CSMD1: variants seen among roughly 807,000 people sequenced by gnomAD.
CSMD1 encodes the protein CUB and Sushi multiple domains 1.
In CSMD1, 213 loss-of-function variants were observed where a neutral mutation model predicts 417.5. That is an observed-to-expected ratio of 0.51 (90% CI 0.46 to 0.57). CSMD1 has a LOEUF of 0.57. Ranked by LOEUF, CSMD1 falls within the 20% of genes least tolerant of loss-of-function variation. The pLI is 0.00. For synonymous variants in CSMD1, 2,862 were observed against 1,736.8 expected (o/e 1.65, Z -16.11); for missense variants, 6,923 against 4,529.7 (o/e 1.53, Z -15.17).
intron 3 of CSMD1, among the ~76,000 whole-genome samples, chr8:4,044,082 G>A (rs949217478): frequency 1.3e-5 from 2 of 151,984 alleles, no homozygotes; most frequent in African/African-American, 4.8e-5. Flanking sequence ...CTTGCCCATT[G>A]CTTGTCTCTG....
chr8:4,675,913 G>T (rs1294960582), intron 1 of CSMD1, among the ~76,000 whole-genome samples: 2 of 152,256 alleles, frequency 1.3e-5, no homozygotes, highest in East Asian at 3.9e-4. Flanking sequence ...TAGAAAAAGA[G>T]AAAAATAAAC....
chr8:3,591,600 G>A (rs73660321), intron 8 of CSMD1, among the ~76,000 whole-genome samples: 1 of 152,188 alleles, frequency 6.6e-6, no homozygotes, highest in Non-Finnish European at 1.5e-5. Flanking sequence ...CTACTGACTG[G>A]CTAGGTAAGG....
intron 1 of CSMD1, among the ~76,000 whole-genome samples, chr8:4,852,247 C>T (rs1017420858): frequency 1.2e-4 from 18 of 152,146 alleles, no homozygotes; most frequent in African/African-American, 4.3e-4. Context: ...GAAATGTAAT[C>T]CCTAGTTTTG....
intron 49 of CSMD1, among the ~76,000 whole-genome samples, chr8:3,055,693 A>G (rs1285047787): frequency 6.6e-6 from 1 of 152,212 alleles, no homozygotes; most frequent in Non-Finnish European, 1.5e-5. Context: ...AAAATTCCTC[A>G]GTTGTTTTTT....
chr8:3,798,188 T>C (rs1212401609), intron 5 of CSMD1, among the ~76,000 whole-genome samples: 1 of 152,036 alleles, frequency 6.6e-6, no homozygotes, highest in African/African-American at 2.4e-5. Context: ...ATTTTTAACA[T>C]TTTCCGCTAC....
chr8:3,784,201 G>C (rs1325439122), intron 5 of CSMD1, among the ~76,000 whole-genome samples: 1 of 152,082 alleles, frequency 6.6e-6, no homozygotes, highest in Non-Finnish European at 1.5e-5. Flanking sequence ...AAAGGGGTGG[G>C]TACCCAATAA....
chr8:3,021,963 T>G (rs116385283), intron 51 of CSMD1, among the ~76,000 whole-genome samples: 2,737 of 113,146 alleles, frequency 0.024, 84 homozygotes, highest in African/African-American at 0.086. Context: ...CCACAGCATC[T>G]GGAATGCACC....
chr8:3,863,777 GT>G (rs781308549), intron 5 of CSMD1, among the ~76,000 whole-genome samples: 4 of 151,804 alleles, frequency 2.6e-5, no homozygotes, highest in Non-Finnish European at 4.4e-5. Context: ...TTTTCTACTA[GT>G]TTTTCTGCTT....
In CSMD1 at chr8:3,021,172, G is replaced by A. The variant is rs571087139; in HGVS notation, c.7856-2522C>T. On this transcript the variant is annotated intron_variant, in intron 51 of 69. Coordinates refer to ENST00000635120, the MANE Select transcript of CSMD1 (RefSeq NM_033225.6). ...GAAGCAAGACCACCTCCCTCTGCTCGTATGGCTGTTTCTATTGTTGAAGCC... is the reference window on the plus strand; with the variant it reads ...GAAGCAAGACCACCTCCCTCTGCTCATATGGCTGTTTCTATTGTTGAAGCC... 4.6e-5 allele frequency among the ~76,000 whole-genome samples: 7 copies of A among 152,128 alleles called. 1 individual carries two copies. Among genetic ancestry groups the A allele is most frequent in the Admixed American group, 3.9e-4 (6 of 15,274 alleles).
chr8:3,134,400 C>T (rs757422442), intron 41 of CSMD1, among the ~76,000 whole-genome samples: 46 of 152,122 alleles, frequency 3.0e-4, no homozygotes, highest in Non-Finnish European at 6.2e-4. Flanking sequence ...CGAAGGCATG[C>T]GCTGCAAGTC....
At chr8:3,506,145 A>G (rs921115938) in intron 10 of CSMD1, among the ~76,000 whole-genome samples, 5 of 152,106 alleles carry the variant, frequency 3.3e-5, no homozygotes, top group African/African-American at 1.2e-4. Context: ...CCAGCAGAGG[A>G]AGTGCCAGGG....
chr8:3,174,740 T>A (rs1820798253), intron 37 of CSMD1, among the ~76,000 whole-genome samples: 1 of 152,188 alleles, frequency 6.6e-6, no homozygotes, highest in South Asian at 2.1e-4. Flanking sequence ...ATCTTAAAAA[T>A]CTAGGTGGCT....
chr8:4,366,095 G>A (rs1281609218), intron 3 of CSMD1, among the ~76,000 whole-genome samples: 1 of 151,958 alleles, frequency 6.6e-6, no homozygotes, highest in African/African-American at 2.4e-5. Flanking sequence ...TCCCCACTCA[G>A]GTAGTACCCG....
intron 12 of CSMD1, among the ~76,000 whole-genome samples, chr8:3,437,303 G>T (rs1393659438): frequency 6.6e-6 from 1 of 152,122 alleles, no homozygotes; most frequent in African/African-American, 2.4e-5. Context: ...CTCTCAACAC[G>T]TCAACCCCAC....
intron 7 of CSMD1, among the ~76,000 whole-genome samples, chr8:3,691,916 G>A (rs2624071): frequency 0.61 from 92,935 of 151,978 alleles, 28,982 homozygotes; most frequent in African/African-American, 0.7. Context: ...GTTTCACTGT[G>A]AAAACACACT....
At chr8:3,782,573 C>A (rs113802703) in intron 5 of CSMD1, among the ~76,000 whole-genome samples, 5,273 of 152,186 alleles carry the variant, frequency 0.035, 329 homozygotes, top group African/African-American at 0.12. Flanking sequence ...CGCAGCAAAC[C>A]AACATGGCAC....
intron 18 of CSMD1, among the ~76,000 whole-genome samples, chr8:3,370,074 A>C (rs995753690): frequency 1.3e-5 from 2 of 152,240 alleles, no homozygotes; most frequent in Non-Finnish European, 2.9e-5. Flanking sequence ...GTACCTACTG[A>C]TAGATACTGA....
chr8:4,202,876 G>T (rs1799740765), intron 3 of CSMD1, among the ~76,000 whole-genome samples: 1 of 152,144 alleles, frequency 6.6e-6, no homozygotes, highest in African/African-American at 2.4e-5. Context: ...AGAAATAGAG[G>T]GTGTCCTGGA....
At chr8:3,270,408 G>T (rs1008160092) in intron 26 of CSMD1, among the ~76,000 whole-genome samples, 1 of 151,772 alleles carries the variant, frequency 6.6e-6, no homozygotes, top group Admixed American at 6.6e-5. Context: ...TTTTAAAGCA[G>T]TGAAAAAAAA....
Sources: gnomAD v4.1 joint callset for allele counts (sites outside exome capture counted in the v4.1 genomes callset) on GRCh38, gnomAD v4.1.1 for gene constraint, MANE v1.5 for transcripts, NCBI Gene and HGNC (gene_info 2026-07-23, HGNC 2026-07-21) for gene names.